Variants in CPNE5 observed in about 807,000 individuals in gnomAD.
CPNE5 encodes copine-5.
A neutral mutation model predicts 81.1 loss-of-function variants in CPNE5; 42 were observed. That is an observed-to-expected ratio of 0.52 (90% confidence interval 0.40 to 0.67). The LOEUF (loss-of-function observed/expected upper bound fraction) is 0.67, where lower values mean the gene tolerates loss of function less well. Among genes scored for constraint, CPNE5 ranks in the 30% least tolerant of loss-of-function variants. The pLI, the probability that CPNE5 is intolerant of heterozygous loss-of-function variation, is 0.00. For missense variants in CPNE5, 612 were observed against 815.5 expected (o/e 0.75, Z 3.04); for synonymous variants, 313 against 321.5 (o/e 0.97, Z 0.28).
At chr6:36,798,610 G>A (rs1769810420) in intron 4 of CPNE5, 116 bp from the exon 5 acceptor site, 1 of 839,512 alleles carries the variant, frequency 1.2e-6, no homozygotes, top group Admixed American at 2.0e-5. Flanking sequence ...CCAACACAGT[G>A]AATATTTCTA....
rs10947627 is a variant in CPNE5, at chr6:36,741,212, A to G, written c.*1056T>C. ...ATCTGTTAGGAGTAGGATGGGGGGA[A>G]CTGGGCATGGGATGAATGACCCTCA... On this transcript the variant is annotated 3_prime_UTR_variant, in exon 21 of 21. Transcript: ENST00000244751. 88,178 of 152,096 alleles carry G rather than the reference A, an allele frequency of 0.58. 26,402 individuals are homozygous for G. Among genetic ancestry groups the G allele is most frequent in the African/African-American group, 0.72 (29,989 of 41,456 alleles). 9.4% of individuals were successfully genotyped at this position (152,096 alleles called of 1,614,324 possible).
chr6:36,742,297 G>T lies in CPNE5; in HGVS notation c.1753C>A (p.Pro585Thr). 6.2e-7 allele frequency: 1 copy of T among 1,602,358 alleles called. No homozygotes were observed. The change falls in exon 21 of 21, where the codon CCT becomes ACT. Residue 585 changes from proline (P) to threonine (T), a missense_variant. Pro to Thr is a conservative substitution (Grantham distance 38). Coordinates refer to ENST00000244751, the MANE Select transcript of CPNE5 (RefSeq NM_020939.2). Reference sequence around the variant, plus strand: ...ATGTGCGTGTGCAGGGGGGACGCAGGGGGCGTGCGGGCTGGGGACTGCGAG... The same window carrying T: ...ATGTGCGTGTGCAGGGGGGACGCAGTGGGCGTGCGGGCTGGGGACTGCGAG... ...SPSQSPARTP[P>T]ASPLHTHI
chr6:36,801,017 G>T (rs1770056093), intron 3 of CPNE5, among the ~76,000 whole-genome samples: 1 of 152,232 alleles, frequency 6.6e-6, no homozygotes, highest in African/African-American at 2.4e-5. Flanking sequence ...GAGAGACCCT[G>T]AGCCGGAGGA....
intron 1 of CPNE5, among the ~76,000 whole-genome samples, chr6:36,824,390 C>G (rs74663885): frequency 0.019 from 2,942 of 152,176 alleles, 100 homozygotes; most frequent in African/African-American, 0.066. Flanking sequence ...CCAGGTCTTC[C>G]CTTCCCTGCT....
chr6:36,759,539 C>A (rs1042232776), intron 12 of CPNE5, among the ~76,000 whole-genome samples: 2 of 152,038 alleles, frequency 1.3e-5, no homozygotes, highest in African/African-American at 4.8e-5. Context: ...GCAACACAAC[C>A]CCCACCCTGA....
chr6:36,823,884 G>C (rs1338062740), intron 1 of CPNE5, among the ~76,000 whole-genome samples: 1 of 152,208 alleles, frequency 6.6e-6, no homozygotes, highest in African/African-American at 2.4e-5. Context: ...CCATCTTACA[G>C]ATGTGGAAGT....
chr6:36,832,311 G>A (rs1773043003), intron 1 of CPNE5, among the ~76,000 whole-genome samples: 1 of 152,196 alleles, frequency 6.6e-6, no homozygotes, highest in Non-Finnish European at 1.5e-5. Context: ...CCTGCTGACA[G>A]AATCCACATT....
intron 20 of CPNE5, chr6:36,743,231 G>A (rs913286140): frequency 1.0e-6 from 1 of 985,432 alleles, no homozygotes; most frequent in Non-Finnish European, 1.2e-6. Flanking sequence ...GACTGCATGG[G>A]AATTCCCTGA....
chr6:36,774,825 C>T (rs941713889), intron 10 of CPNE5, 136 bp downstream of exon 10: 2 of 671,508 alleles, frequency 3.0e-6, no homozygotes, highest in African/African-American at 3.6e-5. Flanking sequence ...CAGGGCACCC[C>T]CTACTGCACA....
chr6:36,792,315 A>T, intron 7 of CPNE5: 1 of 1,522,458 alleles, frequency 6.6e-7, no homozygotes, highest in Non-Finnish European at 8.8e-7. Context: ...GAGCTGCCCC[A>T]CCCCCTGCTC....
chr6:36,745,317 C>G (rs1304129843), intron 17 of CPNE5, 71 bp downstream of exon 17: 1 of 1,542,306 alleles, frequency 6.5e-7, no homozygotes, highest in Non-Finnish European at 8.8e-7. Context: ...CCCCTCCCAC[C>G]ACCCAGAGGC....
chr6:36,753,987 C>T (rs1351692589), intron 13 of CPNE5, among the ~76,000 whole-genome samples: 1 of 152,188 alleles, frequency 6.6e-6, no homozygotes, highest in African/African-American at 2.4e-5. Flanking sequence ...GAGAGCACCA[C>T]CCTTACTTGG....
chr6:36,838,379 T>C (rs1388316525), intron 1 of CPNE5, among the ~76,000 whole-genome samples: 1 of 152,208 alleles, frequency 6.6e-6, no homozygotes, highest in African/African-American at 2.4e-5. Context: ...TGGCAGCACA[T>C]GATCCTAGGC....
chr6:36,745,413 C>A lies in CPNE5; in HGVS notation c.1303G>T (p.Ala435Ser), dbSNP rs1289450280. ...CTGGCCACGTGGGTGACCACGGGGG[C>A]AAAGTTGGTGGGGCCGTACAGCTGC... The part of the protein sequence containing the change: ...TVQLYGPTNF[A>S]PVVTHVARNA... The change falls in exon 17 of 21, where the codon GCC becomes TCC. Residue 435 changes from alanine to serine, a missense_variant. Coordinates refer to ENST00000244751, the MANE Select transcript of CPNE5 (RefSeq NM_020939.2). 6.2e-7 allele frequency: 1 copy of A among 1,607,560 alleles called. No homozygotes were observed. The highest frequency in any genetic ancestry group is 1.1e-5 in the South Asian group (1 of 89,498).
intron 20 of CPNE5, chr6:36,742,788 G>C: frequency 1.0e-6 from 1 of 985,422 alleles, no homozygotes; most frequent in Non-Finnish European, 1.2e-6. Context: ...GCTCTGAGTA[G>C]GTGCTTCCGA....
At chr6:36,814,840 G>T (rs1378680542) in intron 3 of CPNE5, among the ~76,000 whole-genome samples, 1 of 152,132 alleles carries the variant, frequency 6.6e-6, no homozygotes, top group Non-Finnish European at 1.5e-5. Flanking sequence ...TTGTTGTGAG[G>T]ATTCATTGAG....
chr6:36,801,559 A>G (rs1176534786), intron 3 of CPNE5, among the ~76,000 whole-genome samples: 1 of 152,224 alleles, frequency 6.6e-6, no homozygotes, highest in Non-Finnish European at 1.5e-5. Context: ...TGTTTCAAAA[A>G]AGGGGTGAGG....
In CPNE5 at chr6:36,745,426, G is replaced by A. The variant is rs1181590966; in HGVS notation, c.1290C>T (p.Gly430=). The stretch of plus-strand genomic sequence containing the variant: ...TGACCACGGGGGCAAAGTTGGTGGG[G>A]CCGTACAGCTGCACAGTGCGCAGGC... ...HRSLRTVQLY[G]PTNFAPVVTH... is the part of the protein sequence containing the mutation. Residue 430 remains glycine (G), a synonymous_variant, in exon 17 of 21, where the codon GGC becomes GGT. Transcript: ENST00000244751. The A allele has an allele frequency of 1.2e-6, 2 of 1,607,312 alleles. No homozygotes were observed. The highest frequency in any genetic ancestry group is 1.7e-6 in the Non-Finnish European group (2 of 1,177,578).
At chr6:36,797,501 T>C (rs1436356674) in intron 6 of CPNE5, among the ~76,000 whole-genome samples, 1 of 152,208 alleles carries the variant, frequency 6.6e-6, no homozygotes, top group Non-Finnish European at 1.5e-5. Context: ...GAATCGTTTA[T>C]ACAGGCAAGG....
Sources: gnomAD v4.1 joint callset for allele counts (sites outside exome capture counted in the v4.1 genomes callset) on GRCh38, gnomAD v4.1.1 for gene constraint, MANE v1.5 for transcripts, NCBI Gene and HGNC (gene_info 2026-07-23, HGNC 2026-07-21) for gene names.